CCDC38: variants seen among roughly 807,000 people sequenced by gnomAD.
CCDC38 encodes the protein coiled-coil domain containing 38.
Under a neutral mutation model 72.8 loss-of-function variants are expected in CCDC38, and 69 were observed. The observed-to-expected ratio is 0.95, with a 90% CI of 0.78 to 1.16. The LOEUF is 1.16. Ranked by LOEUF, CCDC38 falls within the 50% of genes most tolerant of loss-of-function variation. The pLI is 0.00. For synonymous variants in CCDC38, 201 were observed against 213.2 expected (o/e 0.94, Z 0.50); for missense variants, 626 against 638.9 (o/e 0.98, Z 0.22).
At chr12:95,910,413 T>C (rs1414741835) in intron 4 of CCDC38, among the ~76,000 whole-genome samples, 1 of 152,142 alleles carries the variant, frequency 6.6e-6, no homozygotes, top group African/African-American at 2.4e-5. Context: ...AAAGAATTCA[T>C]AGATGACACA....
chr12:95,877,080 C>T (rs1353913257), intron 13 of CCDC38, among the ~76,000 whole-genome samples: 1 of 152,086 alleles, frequency 6.6e-6, no homozygotes, highest in Non-Finnish European at 1.5e-5. Context: ...AAGAAACTCT[C>T]CAGGCCTCCA....
chr12:95,880,945 T>C (rs2079693336), intron 11 of CCDC38, among the ~76,000 whole-genome samples: 1 of 152,204 alleles, frequency 6.6e-6, no homozygotes, highest in African/African-American at 2.4e-5. Flanking sequence ...TAATGCACAC[T>C]TAAAATGGCT....
rs374921959 is a variant in CCDC38, at chr12:95,931,363, T to A, written c.37+5110A>T. 4.6e-4 allele frequency among the ~76,000 whole-genome samples: 70 copies of A among 152,352 alleles called. 1 individual carries two copies. In the South Asian group the frequency reaches 0.014, roughly 31 times the overall value. ...GCCCATTGGCTAATCCAGGATAACC[T>A]TCCCATATCAAGGTAATTAACTTAA... On this transcript the variant is annotated intron_variant, in intron 2 of 15. Coordinates refer to ENST00000344280, the MANE Select transcript of CCDC38 (RefSeq NM_182496.3).
chr12:95,908,161 G>C (rs1196513036), intron 4 of CCDC38, among the ~76,000 whole-genome samples: 1 of 151,796 alleles, frequency 6.6e-6, no homozygotes, highest in Non-Finnish European at 1.5e-5. Context: ...CTGCACTCCA[G>C]CCTGGGCACC....
At chr12:95,896,650 A>G (rs1439845345) in intron 7 of CCDC38, 1 of 152,236 alleles carries the variant, frequency 6.6e-6, no homozygotes, top group Non-Finnish European at 1.5e-5. Flanking sequence ...ACGAGGTGAC[A>G]ATTGGCTGGA....
intron 4 of CCDC38, among the ~76,000 whole-genome samples, chr12:95,914,281 G>A (rs978276019): frequency 7.2e-5 from 11 of 152,254 alleles, no homozygotes; most frequent in African/African-American, 1.4e-4. Flanking sequence ...CCAAGACTGC[G>A]CCACTGCACT....
intron 4 of CCDC38, among the ~76,000 whole-genome samples, chr12:95,909,394 T>C (rs975116382): frequency 3.3e-5 from 5 of 152,076 alleles, no homozygotes; most frequent in African/African-American, 1.2e-4. Context: ...GTTCTGAAAT[T>C]GAATCAGTAA....
chr12:95,887,767 T>C (rs1460704089), intron 10 of CCDC38, among the ~76,000 whole-genome samples: 4 of 152,136 alleles, frequency 2.6e-5, no homozygotes, highest in Non-Finnish European at 4.4e-5. Flanking sequence ...GTATATGGAG[T>C]CTCTCTGTAC....
intron 7 of CCDC38, among the ~76,000 whole-genome samples, chr12:95,896,156 A>T (rs1289086913): frequency 6.6e-6 from 1 of 152,098 alleles, no homozygotes; most frequent in African/African-American, 2.4e-5. Context: ...CAGGCAGGAC[A>T]CACTACAGAC....
chr12:95,920,850 C>T (rs900646121), intron 2 of CCDC38, among the ~76,000 whole-genome samples: 1 of 152,002 alleles, frequency 6.6e-6, no homozygotes, highest in Admixed American at 6.6e-5. Flanking sequence ...CAAAAGAGGG[C>T]CGGGCGCAGT....
chr12:95,895,925 G>T (rs1433251252), intron 7 of CCDC38, among the ~76,000 whole-genome samples: 1 of 151,346 alleles, frequency 6.6e-6, no homozygotes, highest in Admixed American at 6.6e-5. Flanking sequence ...GCGTGGTGGC[G>T]CATGCCTGTA....
intron 4 of CCDC38, among the ~76,000 whole-genome samples, chr12:95,910,137 G>C (rs992593865): frequency 3.3e-5 from 5 of 152,046 alleles, no homozygotes; most frequent in Admixed American, 3.3e-4. Context: ...GATATGGTTC[G>C]ATACCTAAAA....
intron 13 of CCDC38, among the ~76,000 whole-genome samples, chr12:95,874,910 T>C (rs1344526097): frequency 1.3e-5 from 2 of 152,222 alleles, no homozygotes; most frequent in African/African-American, 4.8e-5. Context: ...CCATGTGACA[T>C]TCTGCTGTGT....
At chr12:95,921,620 A>C (rs1565963735) in intron 2 of CCDC38, among the ~76,000 whole-genome samples, 1 of 152,144 alleles carries the variant, frequency 6.6e-6, no homozygotes, top group Non-Finnish European at 1.5e-5. Flanking sequence ...CTCCCTCAAC[A>C]CATGGGGATT....
Position 95,878,262 on chromosome 12 carries a change from C to G in CCDC38, c.1227G>C (p.Leu409Phe). Residue 409 changes from leucine (L) to phenylalanine (F), a missense_variant, in exon 13 of 16, where the codon TTG becomes TTC. Physicochemically the swap from Leu to Phe is conservative, Grantham distance 22. Transcript: ENST00000344280. Reference protein sequence around the residue: ...CVREEEKAAELQLKSKLFSFG... With the variant: ...CVREEEKAAEFQLKSKLFSFG... ...AGCTAAAGAGCTTGGACTTTAATTG[C>G]AATTCTGCTGCTTTCTCTTCTTCTC... 1 of 1,613,586 alleles carries G rather than the reference C, an allele frequency of 6.2e-7. No homozygotes were observed. Among genetic ancestry groups the G allele is most frequent in the Admixed American group, 1.7e-5 (1 of 59,996 alleles).
chr12:95,917,137 A>G lies in CCDC38; in HGVS notation c.296T>C (p.Leu99Ser). The change falls in exon 4 of 16, where the codon TTA (leucine) becomes TCA (serine). Residue 99 changes from leucine (L) to serine (S), a missense_variant. By Grantham distance (145) the Leu-to-Ser change is moderately radical (BLOSUM62 -2). Coordinates refer to ENST00000344280, the MANE Select transcript of CCDC38 (RefSeq NM_182496.3). ...GAGTAATTTAGACTCACCTTCTATTAATCTAGGAATCGGAGCAGGACCTGG... is the reference window on the plus strand; with the variant it reads ...GAGTAATTTAGACTCACCTTCTATTGATCTAGGAATCGGAGCAGGACCTGG... ...FGPGPAPIPR[L>S]IEGSDTKRTV... 6.3e-7 allele frequency: 1 copy of G among 1,575,196 alleles called. No homozygotes were observed. Among genetic ancestry groups the G allele is most frequent in the Non-Finnish European group, 8.5e-7 (1 of 1,170,542 alleles).
At chr12:95,928,522 G>A (rs1372853457) in intron 2 of CCDC38, among the ~76,000 whole-genome samples, 1 of 152,176 alleles carries the variant, frequency 6.6e-6, no homozygotes, top group Non-Finnish European at 1.5e-5. Flanking sequence ...ATCATCTGAA[G>A]CCTTCTTCTC....
chr12:95,908,907 CT>C (rs2080060487), intron 4 of CCDC38, among the ~76,000 whole-genome samples: 1 of 151,888 alleles, frequency 6.6e-6, no homozygotes, highest in Non-Finnish European at 1.5e-5. Context: ...TCTTTTCAAG[CT>C]TTTTTCATTC....
chr12:95,926,022 C>T (rs2080266715), intron 2 of CCDC38, among the ~76,000 whole-genome samples: 2 of 136,782 alleles, frequency 1.5e-5, no homozygotes, highest in South Asian at 5.3e-4. Context: ...TGTGTCTCTG[C>T]CCGGCTTTGG....
Sources: gnomAD v4.1 joint callset for allele counts (sites outside exome capture counted in the v4.1 genomes callset) on GRCh38, gnomAD v4.1.1 for gene constraint, MANE v1.5 for transcripts, NCBI Gene and HGNC (gene_info 2026-07-23, HGNC 2026-07-21) for gene names.